ZBED6: variants seen among roughly 807,000 people sequenced by gnomAD.
ZBED6 encodes zinc finger BED-type containing 6, also known as zinc finger BED domain-containing protein 6.
A neutral mutation model predicts 58.4 loss-of-function variants in ZBED6; 40 were observed. The observed-to-expected ratio is 0.68, with a 90% CI of 0.53 to 0.89. ZBED6 has a LOEUF of 0.89. Among genes scored for constraint, ZBED6 ranks in the 40% least tolerant of loss-of-function variants. The pLI, the probability that ZBED6 is intolerant of heterozygous loss-of-function variation, is 0.00. For synonymous variants in ZBED6, 439 were observed against 350.6 expected, an observed-to-expected ratio of 1.25 and a Z score of -2.82; for missense variants, 1,057 against 1,003.9, an observed-to-expected ratio of 1.05 and a Z score of -0.71.
At chr1:203,812,286 T>C (rs1303567724) in intron 1 of ZBED6, among the ~76,000 whole-genome samples, 2 of 152,136 alleles carry the variant, frequency 1.3e-5, no homozygotes, top group East Asian at 3.9e-4. Context: ...ACCTTCTACC[T>C]TCTGATAGGC....
chr1:203,837,555 C>A (rs570298688), intron 9 of ZBED6, among the ~76,000 whole-genome samples: 1 of 151,698 alleles, frequency 6.6e-6, no homozygotes, highest in Non-Finnish European at 1.5e-5. Context: ...TCACTGTAGC[C>A]TTTCTACCTC....
intron 8 of ZBED6, among the ~76,000 whole-genome samples, chr1:203,832,722 A>T (rs1355202162): frequency 6.6e-6 from 1 of 152,198 alleles, no homozygotes; most frequent in Non-Finnish European, 1.5e-5. Flanking sequence ...ATATAGATAT[A>T]TTTAAATGTT....
chr1:203,827,405 G>T (rs964037129), intron 3 of ZBED6, among the ~76,000 whole-genome samples: 1 of 151,204 alleles, frequency 6.6e-6, no homozygotes, highest in African/African-American at 2.4e-5. Flanking sequence ...GACTGGCCGG[G>T]TGCGGTGGCT....
intron 7 of ZBED6, 90 bp from the exon 8 acceptor site, chr1:203,831,571 G>T (rs1379005302): frequency 9.9e-7 from 1 of 1,009,196 alleles, no homozygotes; most frequent in Non-Finnish European, 1.5e-6. Flanking sequence ...GTCTGTATTG[G>T]ACTTAACTGG....
At chr1:203,833,400 T>G (rs1572206854) in intron 8 of ZBED6, among the ~76,000 whole-genome samples, 1 of 143,764 alleles carries the variant, frequency 7.0e-6, no homozygotes, top group African/African-American at 2.6e-5. Context: ...GGTGTGGTAG[T>G]GTGCGCAGTA....
At chr1:203,844,222 C>T (rs887929450) in intron 11 of ZBED6, among the ~76,000 whole-genome samples, 7 of 147,484 alleles carry the variant, frequency 4.7e-5, no homozygotes, top group South Asian at 2.2e-4. Context: ...AGTGCAGTGG[C>T]GTGATCTCAG....
chr1:203,821,934 C>T lies in ZBED6; in HGVS notation c.*2873+3245C>T, dbSNP rs556071174. On this transcript the variant is annotated intron_variant, in intron 3 of 16. Coordinates refer to ENST00000550078, the Ensembl canonical transcript of ZBED6. ...CACCACGCCCGGCTAATTTTTTGTA[C>T]TTTTAGTAGAGATGGGGTTTCACCG... 1.6e-3 allele frequency among the ~76,000 whole-genome samples: 238 copies of T among 151,934 alleles called. 1 individual carries two copies. Among genetic ancestry groups the T allele is most frequent in the East Asian group, 3.1e-3 (16 of 5,140 alleles).
rs138030565 is a variant in ZBED6, at chr1:203,811,097, C to T, written c.*2555-5829C>T. Among the ~76,000 whole-genome samples the T allele has an allele frequency of 6.0e-3, 899 of 149,442 alleles. 5 individuals carry two copies. Among genetic ancestry groups the T allele is most frequent in the Admixed American group, 9.8e-3 (146 of 14,918 alleles). ...TGGAGGTTGCAATGAGCCGAGATTG[C>T]GCCACTGCACTCCAGCAGCCTGGGT... On this transcript the variant is annotated intron_variant, in intron 1 of 16. Coordinates refer to ENST00000550078, the Ensembl canonical transcript of ZBED6.
exon 17 of ZBED6, chr1:203,852,229 C>T (rs1208607280): frequency 1.2e-6 from 2 of 1,613,538 alleles, no homozygotes; most frequent in East Asian, 2.2e-5. Context: ...CATGAAAACT[C>T]GCCGACTCAG....
At position 203,799,524 on chromosome 1, in the gene ZBED6, A is replaced by G. The variant is rs1485141064; in HGVS notation, c.2002A>G (p.Ser668Gly). 7 of 702,904 alleles carry G rather than the reference A, an allele frequency of 1.0e-5. No homozygotes were observed. The African/African-American group carries it at 1.2e-4, about 12-fold the overall frequency. The allele number at this position is 702,904 out of a possible 1,614,324, so 43.5% of individuals were successfully genotyped here. ...GGAGCATTGCTACTCAGTTCACCAT[A>G]GTCTTGGTAGAGCCAGTGGAGTTGT... Residue 668 changes from serine (S) to glycine (G), a missense_variant, in exon 1 of 17, where the codon AGT (serine) becomes GGT (glycine). Ser to Gly is a moderately conservative substitution (Grantham distance 56). Transcript: ENST00000550078.
intron 8 of ZBED6, among the ~76,000 whole-genome samples, 170 bp from the exon 9 acceptor site, chr1:203,833,618 GTTT>G (rs553171669): frequency 2.2e-4 from 27 of 124,814 alleles, no homozygotes; most frequent in African/African-American, 6.5e-4. Context: ...ATAGGTTTGG[GTTT>G]TTTTTTTTTT....
At chr1:203,814,026 G>A (rs1223203093) in intron 1 of ZBED6, among the ~76,000 whole-genome samples, 1 of 151,364 alleles carries the variant, frequency 6.6e-6, no homozygotes, top group Non-Finnish European at 1.5e-5. Context: ...TTCAAGTTCA[G>A]ATTCTTTATT....
chr1:203,834,472 A>G (rs1415880371), intron 9 of ZBED6, among the ~76,000 whole-genome samples: 1 of 152,024 alleles, frequency 6.6e-6, no homozygotes, highest in Non-Finnish European at 1.5e-5. Flanking sequence ...GGGTTTCACC[A>G]TGTTGCCCAG....
chr1:203,820,621 G>A (rs1435393797), intron 3 of ZBED6, among the ~76,000 whole-genome samples: 1 of 151,908 alleles, frequency 6.6e-6, no homozygotes, highest in Non-Finnish European at 1.5e-5. Flanking sequence ...GGGACAACGG[G>A]CATGCCTCAC....
chr1:203,804,277 G>C (rs1571922054), intron 1 of ZBED6, among the ~76,000 whole-genome samples: 1 of 150,386 alleles, frequency 6.6e-6, no homozygotes, highest in South Asian at 2.1e-4. Flanking sequence ...TCAGCCTCCC[G>C]AGTAGCTGGG....
At chr1:203,833,681 C>CT in intron 8 of ZBED6, 110 bp from the exon 9 acceptor site, 1 of 528,920 alleles carries the variant, frequency 1.9e-6, no homozygotes, top group Non-Finnish European at 2.7e-6. Flanking sequence ...TTTCAAGAGA[C>CT]TTTCTGGGTG....
At chr1:203,803,966 C>G (rs962364985) in intron 1 of ZBED6, among the ~76,000 whole-genome samples, 1 of 152,102 alleles carries the variant, frequency 6.6e-6, no homozygotes, top group African/African-American at 2.4e-5. Flanking sequence ...GTAATAAACT[C>G]TAATTGGGAT....
intron 1 of ZBED6, chr1:203,806,053 C>T (rs964619305): frequency 1.0e-4 from 52 of 521,458 alleles, no homozygotes; most frequent in African/African-American, 6.0e-4. Context: ...CTCATACATC[C>T]GCTTTTGTTT....
Position 203,840,393 on chromosome 1 carries a change from C to T in ZBED6, c.*3741+19C>T. 1 of 1,604,618 alleles carries T rather than the reference C, an allele frequency of 6.2e-7. No homozygotes were observed. The highest frequency in any genetic ancestry group is 8.5e-7 in the Non-Finnish European group (1 of 1,175,742). On this transcript the variant is annotated intron_variant, in intron 11 of 16. Transcript: ENST00000550078. ...GCAACAGGTAAGTAAATCCTAAGAC[C>T]AGATTCTGATTATTTTTTTCTTTGC...
Sources: allele counts gnomAD v4.1 joint callset (sites outside exome capture counted in the v4.1 genomes callset), GRCh38; gene constraint gnomAD v4.1.1; transcripts MANE v1.5; gene names NCBI Gene and HGNC (gene_info 2026-07-23, HGNC 2026-07-21).